SCOC: variants seen among roughly 807,000 people sequenced by gnomAD.
SCOC encodes the protein short coiled coil protein.
Under a neutral mutation model 9.9 loss-of-function variants are expected in SCOC, and 7 were observed. That is an observed-to-expected ratio of 0.71 (90% CI 0.40 to 1.33). The LOEUF (loss-of-function observed/expected upper bound fraction) is 1.33. SCOC is among the 40% of genes most tolerant of loss of function. The pLI is 0.01. For missense variants in SCOC, 66 were observed against 89.7 expected (o/e 0.74, Z 1.07); for synonymous variants, 19 against 28.2 (o/e 0.67, Z 1.03).
chr4:140,271,032 G>A (rs1272927494), intron 1 of SCOC, among the ~76,000 whole-genome samples: 1 of 152,150 alleles, frequency 6.6e-6, no homozygotes, highest in Non-Finnish European at 1.5e-5. Context: ...ATACATGTGG[G>A]CATCTATAAT....
chr4:140,358,711 T>G (rs1727337571), intron 2 of SCOC, among the ~76,000 whole-genome samples: 1 of 152,240 alleles, frequency 6.6e-6, no homozygotes, highest in Non-Finnish European at 1.5e-5. Flanking sequence ...TTCTGTGTTT[T>G]GTGGTTCATT....
At chr4:140,267,303 G>A (rs754880038) in intron 1 of SCOC, among the ~76,000 whole-genome samples, 1 of 152,182 alleles carries the variant, frequency 6.6e-6, no homozygotes, top group Admixed American at 6.5e-5. Context: ...ATCCCACAAG[G>A]TTGCATCAGT....
At chr4:140,268,044 C>T (rs1287983297) in intron 1 of SCOC, among the ~76,000 whole-genome samples, 1 of 152,174 alleles carries the variant, frequency 6.6e-6, no homozygotes, top group Non-Finnish European at 1.5e-5. Context: ...ACCCCATTCT[C>T]TCCAGAACGA....
intron 1 of SCOC, among the ~76,000 whole-genome samples, chr4:140,319,246 C>T (rs2126479488): frequency 6.6e-6 from 1 of 152,218 alleles, no homozygotes; most frequent in African/African-American, 2.4e-5. Context: ...CATGCGCCAC[C>T]ACGCCTGGCT....
At chr4:140,375,181 C>T (rs1319133090) in intron 1 of SCOC, among the ~76,000 whole-genome samples, 6 of 152,182 alleles carry the variant, frequency 3.9e-5, no homozygotes, top group African/African-American at 1.4e-4. Flanking sequence ...AAGCCATTGT[C>T]ATCTTTGGCC....
intron 1 of SCOC, among the ~76,000 whole-genome samples, chr4:140,285,711 T>A (rs1478826821): frequency 6.6e-6 from 1 of 152,200 alleles, no homozygotes; most frequent in Admixed American, 6.5e-5. Flanking sequence ...TCTCTTCCCC[T>A]TTTCAATGAA....
At chr4:140,266,355 A>G (rs572632815) in intron 1 of SCOC, among the ~76,000 whole-genome samples, 32 of 152,306 alleles carry the variant, frequency 2.1e-4, no homozygotes, top group African/African-American at 7.2e-4. Context: ...ACAGACCTGG[A>G]GGCTGGAAGT....
intron 1 of SCOC, among the ~76,000 whole-genome samples, chr4:140,331,426 ACTAT>A (rs1732813161): frequency 1.3e-5 from 2 of 151,990 alleles, no homozygotes; most frequent in South Asian, 4.2e-4. Flanking sequence ...TTTTGTAGCC[ACTAT>A]CTATCTTCAT....
At chr4:140,276,505 T>C (rs1730987109) in intron 1 of SCOC, among the ~76,000 whole-genome samples, 1 of 151,976 alleles carries the variant, frequency 6.6e-6, no homozygotes, top group South Asian at 2.1e-4. Context: ...ACTCTGTCGC[T>C]TAGGCTGGAG....
intron 1 of SCOC, among the ~76,000 whole-genome samples, chr4:140,318,798 T>A (rs998795242): frequency 6.6e-6 from 1 of 151,884 alleles, no homozygotes; most frequent in Non-Finnish European, 1.5e-5. Context: ...TATTGCGGCA[T>A]TATTCACAAT....
Position 140,382,401 on chromosome 4 carries a change from G to A in SCOC, c.*1297G>A, listed in dbSNP as rs1296848705. The A allele has an allele frequency of 2.6e-5, 4 of 152,590 alleles. No homozygotes were observed. The highest frequency in any genetic ancestry group is 9.7e-5 in the African/African-American group (4 of 41,442). 9.5% of individuals were successfully genotyped at this position (152,590 alleles called of 1,614,324 possible). ...GCTTTTAATCATGGAATAATCTTAT[G>A]TATTGGTGTAAGAGTTGATGAATGA... On this transcript the variant is annotated 3_prime_UTR_variant, in exon 4 of 4. Transcript: ENST00000608372.
At chr4:140,287,335 T>C (rs1276499146) in intron 1 of SCOC, among the ~76,000 whole-genome samples, 1 of 147,580 alleles carries the variant, frequency 6.8e-6, no homozygotes, top group African/African-American at 2.5e-5. Flanking sequence ...ACACACATAC[T>C]AAACACACAT....
At chr4:140,273,954 T>C (rs1730919996) in intron 1 of SCOC, among the ~76,000 whole-genome samples, 1 of 152,238 alleles carries the variant, frequency 6.6e-6, no homozygotes. Context: ...TGATTACCTA[T>C]TTGACTTTGA....
chr4:140,373,928 C>G (rs1362914705), intron 1 of SCOC: 1 of 701,034 alleles, frequency 1.4e-6, no homozygotes, highest in South Asian at 1.5e-5. Flanking sequence ...CTCCTGTTTT[C>G]GTTGTCAGGC....
chr4:140,260,634 A>G (rs530884981), intron 1 of SCOC, among the ~76,000 whole-genome samples: 117 of 152,324 alleles, frequency 7.7e-4, no homozygotes, highest in African/African-American at 2.6e-3. Flanking sequence ...CTGAAATTTT[A>G]GTGTACTCAA....
At chr4:140,281,891 A>G (rs1731106177) in intron 1 of SCOC, among the ~76,000 whole-genome samples, 1 of 152,146 alleles carries the variant, frequency 6.6e-6, no homozygotes, top group South Asian at 2.1e-4. Context: ...TTTGTGGGGG[A>G]AAATGCATTT....
intron 1 of SCOC, among the ~76,000 whole-genome samples, chr4:140,324,932 AT>A (rs1036753352): frequency 3.9e-5 from 6 of 152,140 alleles, no homozygotes; most frequent in African/African-American, 1.4e-4. Flanking sequence ...TTCAAGACTT[AT>A]TCAAAACCTA....
intron 1 of SCOC, among the ~76,000 whole-genome samples, chr4:140,336,295 T>C (rs545527837): frequency 6.6e-6 from 1 of 152,256 alleles, no homozygotes; most frequent in South Asian, 2.1e-4. Flanking sequence ...ATTCCCAAAG[T>C]GATGCAACCA....
At chr4:140,293,939 C>G (rs1731549309) in intron 1 of SCOC, among the ~76,000 whole-genome samples, 1 of 152,122 alleles carries the variant, frequency 6.6e-6, no homozygotes, top group Non-Finnish European at 1.5e-5. Context: ...GTGAGGGTTC[C>G]CAGAAGCCAA....
Sources: allele counts gnomAD v4.1 joint callset (sites outside exome capture counted in the v4.1 genomes callset), GRCh38; gene constraint gnomAD v4.1.1; transcripts MANE v1.5; gene names NCBI Gene and HGNC (gene_info 2026-07-23, HGNC 2026-07-21).